Variants in ZNF727 observed in about 807,000 individuals in gnomAD.
ZNF727 encodes the protein zinc finger protein 727.
A neutral mutation model predicts 11.5 loss-of-function variants in ZNF727; 11 were observed. The ratio of observed to expected loss-of-function variants is 0.95; its 90% CI spans 0.60 to 1.58. The LOEUF (loss-of-function observed/expected upper bound fraction) is 1.58. Among genes scored for constraint, ZNF727 ranks in the 40% most tolerant of loss-of-function variants. The probability of loss-of-function intolerance (pLI) is 0.00; values close to 1 mark genes in which losing one functional copy is unlikely to be tolerated. For missense variants in ZNF727, 533 were observed against 581.7 expected, an observed-to-expected ratio of 0.92 and a Z score of 0.86; for synonymous variants, 171 against 196.1, an observed-to-expected ratio of 0.87 and a Z score of 1.07.
At chr7:64,055,937 G>GT (rs538900681) in intron 1 of ZNF727, among the ~76,000 whole-genome samples, 112 of 151,898 alleles carry the variant, frequency 7.4e-4, no homozygotes, top group Non-Finnish European at 1.0e-3. Flanking sequence ...TTTTATGTTT[G>GT]TTTTTTTCAA....
chr7:64,050,407 A>C (rs1789575054), intron 1 of ZNF727, among the ~76,000 whole-genome samples: 2 of 152,188 alleles, frequency 1.3e-5, no homozygotes, highest in South Asian at 4.1e-4. Flanking sequence ...TCATGAGGAA[A>C]AACAGGTACC....
intron 1 of ZNF727, among the ~76,000 whole-genome samples, chr7:64,049,660 G>A (rs1000288701): frequency 3.3e-5 from 5 of 151,478 alleles, no homozygotes; most frequent in Non-Finnish European, 5.9e-5. Flanking sequence ...ATGTGGAATA[G>A]GACATACTAA....
chr7:64,063,097 G>GTC (rs34743796), intron 1 of ZNF727, among the ~76,000 whole-genome samples: 94,941 of 151,488 alleles, frequency 0.63, 30,559 homozygotes, highest in Non-Finnish European at 0.7. Context: ...ACATATCTCT[G>GTC]TCTCAGGATT....
chr7:64,070,998 GT>G (rs544738234), intron 3 of ZNF727, among the ~76,000 whole-genome samples: 13 of 151,338 alleles, frequency 8.6e-5, no homozygotes, highest in East Asian at 3.9e-4. Flanking sequence ...TATATACCAT[GT>G]TTTTTTTTTG....
intron 1 of ZNF727, among the ~76,000 whole-genome samples, chr7:64,064,864 G>A (rs10271210): frequency 0.026 from 3,993 of 152,146 alleles, 182 homozygotes; most frequent in African/African-American, 0.091. Context: ...CACAATTACT[G>A]CACTCTCCCT....
At chr7:64,055,248 A>G (rs1479144385) in intron 1 of ZNF727, among the ~76,000 whole-genome samples, 1 of 151,946 alleles carries the variant, frequency 6.6e-6, no homozygotes, top group Non-Finnish European at 1.5e-5. Context: ...GAAACTCCAT[A>G]TCTACTAAAA....
At chr7:64,058,746 A>G (rs1789724433) in intron 1 of ZNF727, among the ~76,000 whole-genome samples, 1 of 152,198 alleles carries the variant, frequency 6.6e-6, no homozygotes, top group South Asian at 2.1e-4. Flanking sequence ...AGGAATGTAA[A>G]CACAAGATCT....
intron 1 of ZNF727, among the ~76,000 whole-genome samples, chr7:64,052,524 A>G (rs2116273336): frequency 6.6e-6 from 1 of 152,212 alleles, no homozygotes; most frequent in Middle Eastern, 3.4e-3. Flanking sequence ...CTCATGGAGA[A>G]CATCTGCTAG....
intron 1 of ZNF727, among the ~76,000 whole-genome samples, chr7:64,055,047 T>A (rs548348250): frequency 5.9e-5 from 9 of 152,292 alleles, no homozygotes; most frequent in African/African-American, 2.2e-4. Flanking sequence ...AAATTTTCAC[T>A]GGTTTTCTAT....
chr7:64,057,753 A>AG (rs1208755036), intron 1 of ZNF727, among the ~76,000 whole-genome samples: 1 of 152,090 alleles, frequency 6.6e-6, no homozygotes, highest in Non-Finnish European at 1.5e-5. Context: ...ACCTAAAAGC[A>AG]GGGGTATTTG....
chr7:64,078,483 A>G lies in ZNF727; in HGVS notation c.1434A>G (p.Arg478=), dbSNP rs529969293. The change falls in exon 4 of 4, where the codon AGA becomes AGG. Residue 478 remains arginine, a synonymous_variant. Transcript: ENST00000456806. ...IKHKRSHTGD[R]PTSAKNVAKP... The stretch of plus-strand genomic sequence containing the variant: ...ACAAGAGAAGTCATACTGGAGACAG[A>G]CCTACAAGTGCAAAGAATGTGGCAA... 5 of 1,565,804 alleles carry G rather than the reference A, an allele frequency of 3.2e-6. No individual in the cohort carries two copies. The highest frequency in any genetic ancestry group is 2.3e-5 in the South Asian group (2 of 85,782).
chr7:64,064,387 C>T (rs575795341), intron 1 of ZNF727, among the ~76,000 whole-genome samples: 1 of 152,290 alleles, frequency 6.6e-6, no homozygotes, highest in East Asian at 1.9e-4. Flanking sequence ...AGAACTGTCA[C>T]CCAGGAACTA....
At chr7:64,063,366 C>T (rs975237972) in intron 1 of ZNF727, among the ~76,000 whole-genome samples, 1 of 152,166 alleles carries the variant, frequency 6.6e-6, no homozygotes, top group Non-Finnish European at 1.5e-5. Context: ...CACTGTGATG[C>T]TTGCAGACTT....
In ZNF727 at chr7:64,045,553, T is replaced by A. The variant is rs2116255542; in HGVS notation, c.-69T>A. ...TCCTCGGTGACTCCACCATAGCCCC[T>A]GTTATCCTGTGACCTGCAGGTACTG... is the stretch of plus-strand genomic sequence containing the variant. On this transcript the variant is annotated 5_prime_UTR_variant, in exon 1 of 4. Coordinates refer to ENST00000456806, the MANE Select transcript of ZNF727 (RefSeq NM_001159522.3). 6.5e-7 allele frequency: 1 copy of A among 1,548,638 alleles called. No individual in the cohort carries two copies. The highest frequency in any genetic ancestry group is 8.7e-7 in the Non-Finnish European group (1 of 1,144,122).
chr7:64,048,000 A>G (rs562943541), intron 1 of ZNF727, among the ~76,000 whole-genome samples: 129 of 152,314 alleles, frequency 8.5e-4, no homozygotes, highest in African/African-American at 2.7e-3. Context: ...AGTGATGATC[A>G]AGTACTTTAG....
rs377193184 is a variant in ZNF727, at chr7:64,063,752, A to C, written c.4-5139A>C. Among the ~76,000 whole-genome samples, 37 of 151,938 alleles carry C rather than the reference A, an allele frequency of 2.4e-4. No individual in the cohort carries two copies. In the South Asian group the frequency reaches 2.5e-3, roughly 10 times the overall value. ...CCCTGGGCTGGGGGTAGCAAAATGC[A>C]ATTTGGTAGGAAGAACATGGAGTCA... On this transcript the variant is annotated intron_variant, in intron 1 of 3. Transcript: ENST00000456806.
chr7:64,073,939 A>G (rs898628053), intron 3 of ZNF727, among the ~76,000 whole-genome samples: 1 of 152,156 alleles, frequency 6.6e-6, no homozygotes, highest in African/African-American at 2.4e-5. Flanking sequence ...GACAGACTCT[A>G]TTAATTGGAC....
chr7:64,077,567 A>G lies in ZNF727; in HGVS notation c.518A>G (p.Tyr173Cys). The part of the protein sequence containing the change: ...HKKIFSREKC[Y>C]KCEECGKDCR... ...AAAATTTTTAGCAGAGAGAAATGCT[A>G]CAAATGTGAAGAATGTGGCAAAGAC... Residue 173 changes from tyrosine (Y) to cysteine (C), a missense_variant, in exon 4 of 4, where the codon TAC (tyrosine) becomes TGC (cysteine). Physicochemically the swap from Tyr to Cys is radical, Grantham distance 194 (BLOSUM62 -2). Transcript: ENST00000456806. The G allele has an allele frequency of 6.4e-7, 1 of 1,551,500 alleles. No individual in the cohort carries two copies. Among genetic ancestry groups the G allele is most frequent in the South Asian group, 1.2e-5 (1 of 84,046 alleles).
chr7:64,068,516 GTTTA>G (rs1789906667), intron 1 of ZNF727, among the ~76,000 whole-genome samples: 1 of 152,068 alleles, frequency 6.6e-6, no homozygotes, highest in Admixed American at 6.6e-5. Flanking sequence ...AAGATCTCCT[GTTTA>G]TTGCTATGCA....
Sources: allele counts gnomAD v4.1 joint callset (sites outside exome capture counted in the v4.1 genomes callset), GRCh38; gene constraint gnomAD v4.1.1; transcripts MANE v1.5; gene names NCBI Gene and HGNC (gene_info 2026-07-23, HGNC 2026-07-21).